Variants in TUBGCP4 observed in about 807,000 individuals in gnomAD.
The protein encoded by TUBGCP4 is tubulin gamma complex component 4, also known as gamma-tubulin complex component 4.
In TUBGCP4, 54 loss-of-function variants were observed where a neutral mutation model predicts 91.6. The ratio of observed to expected loss-of-function variants is 0.59; its 90% confidence interval spans 0.47 to 0.74. TUBGCP4 has a LOEUF of 0.74. Among genes scored for constraint, TUBGCP4 ranks in the 30% least tolerant of loss-of-function variants. The pLI, the probability that TUBGCP4 is intolerant of heterozygous loss-of-function variation, is 0.00. For synonymous variants in TUBGCP4, 297 were observed against 302.8 expected, an observed-to-expected ratio of 0.98 and a Z score of 0.20; for missense variants, 593 against 800.9, an observed-to-expected ratio of 0.74 and a Z score of 3.13.
rs2142913690 is a variant in TUBGCP4, at chr15:43,406,094, A to C, written c.*880A>C. The C allele has an allele frequency of 6.6e-6, 1 of 152,220 alleles. No homozygotes were observed. Among genetic ancestry groups the C allele is most frequent in the South Asian group, 2.1e-4 (1 of 4,820 alleles). 9.4% of individuals were successfully genotyped at this position (152,220 alleles called of 1,614,324 possible). ...TTATTCTCCAAGAAAAAGGTCCTTA[A>C]GAAAAAATTGAGATCAAGTTGTTAG... is the stretch of plus-strand genomic sequence containing the variant. On this transcript the variant is annotated 3_prime_UTR_variant, in exon 18 of 18. Coordinates refer to ENST00000564079, the MANE Select transcript of TUBGCP4 (RefSeq NM_014444.5).
intron 1 of TUBGCP4, among the ~76,000 whole-genome samples, chr15:43,373,885 C>T (rs1199688357): frequency 6.6e-6 from 1 of 152,098 alleles, no homozygotes; most frequent in Non-Finnish European, 1.5e-5. Flanking sequence ...ATCTCCTGAC[C>T]TCGTGATCCG....
In TUBGCP4 at chr15:43,407,739, G is replaced by C. The variant is rs2044959170; in HGVS notation, c.*2525G>C. 3.8e-6 allele frequency: 3 copies of C among 781,840 alleles called. No individual in the cohort carries two copies. The highest frequency in any genetic ancestry group is 6.0e-6 in the Non-Finnish European group (3 of 498,058). The allele number at this position is 781,840 out of a possible 1,614,324, so 48.4% of individuals were successfully genotyped here. On this transcript the variant is annotated 3_prime_UTR_variant, in exon 18 of 18. Coordinates refer to ENST00000564079, the MANE Select transcript of TUBGCP4 (RefSeq NM_014444.5). ...CCAAAGGCAGAGTTATAATCACTATGTGCTGACCTTGTAGAAATATTTAAC... is the reference window on the plus strand; with the variant it reads ...CCAAAGGCAGAGTTATAATCACTATCTGCTGACCTTGTAGAAATATTTAAC...
In TUBGCP4 at chr15:43,407,359, T is replaced by C. The variant is rs775038399; in HGVS notation, c.*2145T>C. On this transcript the variant is annotated 3_prime_UTR_variant, in exon 18 of 18. Transcript: ENST00000564079. ...ACACAATCTCCACGATAGCAGGGAA[T>C]AAAACCAGTAAGACCAAGTATCTTT... is the stretch of plus-strand genomic sequence containing the variant. 2.5e-6 allele frequency: 4 copies of C among 1,609,872 alleles called. No homozygotes were observed. Among genetic ancestry groups the C allele is most frequent in the Non-Finnish European group, 2.5e-6 (3 of 1,176,502 alleles).
rs1178536039 is a variant in TUBGCP4 at position 43,376,873 on chromosome 15, A to G, written c.331-141A>G. The G allele has an allele frequency of 1.7e-5, 15 of 886,334 alleles. No individual in the cohort carries two copies. In the East Asian group the frequency reaches 3.9e-4, roughly 23 times the overall value. 54.9% of individuals were successfully genotyped at this position (886,334 alleles called of 1,614,324 possible). On this transcript the variant is annotated intron_variant, in intron 3 of 17. Coordinates refer to ENST00000564079, the MANE Select transcript of TUBGCP4 (RefSeq NM_014444.5). The stretch of plus-strand genomic sequence containing the variant: ...TCTTTATGGCCCGAAAATCAGGATT[A>G]ATAACCTGATTAAATTATCAGTTCT...
At chr15:43,404,278 G>A in intron 16 of TUBGCP4, 135 bp from the exon 17 acceptor site, 1 of 985,474 alleles carries the variant, frequency 1.0e-6, no homozygotes, top group Non-Finnish European at 1.5e-6. Context: ...ATAGAAATAG[G>A]AATGTGGGAA....
At chr15:43,385,543 C>T in intron 7 of TUBGCP4, 1 of 527,404 alleles carries the variant, frequency 1.9e-6, no homozygotes, top group South Asian at 1.9e-5. Flanking sequence ...AGTTTTTACT[C>T]AGTAGTAAAG....
At chr15:43,394,969 A>C in intron 9 of TUBGCP4, 138 bp from the exon 10 acceptor site, 1 of 845,330 alleles carries the variant, frequency 1.2e-6, no homozygotes, top group East Asian at 2.4e-5. Context: ...TAATACATTG[A>C]TTGTTTTGAG....
intron 13 of TUBGCP4, 198 bp downstream of exon 13, chr15:43,398,377 T>G: frequency 2.8e-6 from 1 of 353,958 alleles, no homozygotes; most frequent in Non-Finnish European, 4.6e-6. Flanking sequence ...AAGACCCCCA[T>G]CTCATAAAAA....
chr15:43,395,318 A>G (rs2044562942), intron 10 of TUBGCP4, 161 bp downstream of exon 10: 1 of 776,044 alleles, frequency 1.3e-6, no homozygotes, highest in East Asian at 2.5e-5. Context: ...CCACAAATCT[A>G]CGATAATACA....
At chr15:43,398,292 A>G in intron 13 of TUBGCP4, 113 bp downstream of exon 13, 1 of 1,250,092 alleles carries the variant, frequency 8.0e-7, no homozygotes, top group South Asian at 1.5e-5. Context: ...CACACCTGTA[A>G]TCCCAGCTAG....
chr15:43,386,377 ATT>A (rs748820688), intron 9 of TUBGCP4, 47 bp downstream of exon 9: 55 of 19,100 alleles, frequency 2.9e-3, no homozygotes, highest in East Asian at 7.9e-3. Flanking sequence ...ATATATATAT[ATT>A]TTTTTTTTTT....
At chr15:43,386,377 A>ATATATATATATATATGAATTT (rs1555394852) in intron 9 of TUBGCP4, 47 bp downstream of exon 9, 1 of 19,092 alleles carries the variant, frequency 5.2e-5, no homozygotes, top group Non-Finnish European at 8.0e-5. Context: ...ATATATATAT[A>ATATATATATATATATGAATTT]TTTTTTTTTT....
chr15:43,374,985 C>T (rs193295138), intron 1 of TUBGCP4, among the ~76,000 whole-genome samples: 76 of 152,330 alleles, frequency 5.0e-4, no homozygotes, highest in African/African-American at 1.6e-3. Context: ...TCGCTGCAAC[C>T]GCCGCCTCCC....
At chr15:43,371,460 C>T in intron 1 of TUBGCP4, 28 bp downstream of exon 1, 1 of 1,611,716 alleles carries the variant, frequency 6.2e-7, no homozygotes, top group Non-Finnish European at 8.5e-7. Flanking sequence ...GCGCGGGAAC[C>T]AGGGAGCGCA....
chr15:43,391,876 C>A (rs1241925954), intron 9 of TUBGCP4: 1 of 152,130 alleles, frequency 6.6e-6, no homozygotes, highest in Non-Finnish European at 1.5e-5. Context: ...CATGGCGAAA[C>A]CCTGTCTCTA....
chr15:43,391,117 C>G (rs1037291174), intron 9 of TUBGCP4, among the ~76,000 whole-genome samples: 1 of 151,854 alleles, frequency 6.6e-6, no homozygotes, highest in Non-Finnish European at 1.5e-5. Flanking sequence ...CCTCCAATTC[C>G]TGGGCTCAAG....
intron 7 of TUBGCP4, among the ~76,000 whole-genome samples, chr15:43,385,178 A>C (rs979011609): frequency 3.3e-5 from 5 of 152,212 alleles, no homozygotes; most frequent in African/African-American, 1.2e-4. Flanking sequence ...AGAGCACTCC[A>C]GCTTACTTTA....
At chr15:43,391,995 C>T (rs984797704) in intron 9 of TUBGCP4, among the ~76,000 whole-genome samples, 1 of 151,564 alleles carries the variant, frequency 6.6e-6, no homozygotes, top group African/African-American at 2.4e-5. Context: ...GCAGAGGTTG[C>T]AGCAAGCTGA....
In TUBGCP4 at chr15:43,398,382, T is replaced by TAA. The variant is rs3038777; in HGVS notation, c.1418+219_1418+220dup. ...GCAACATAGTAAGACCCCCATCTCATAAAAAAAAAAAAAAAAATTAATGGG... is the reference window on the plus strand; with the variant it reads ...GCAACATAGTAAGACCCCCATCTCATAAAAAAAAAAAAAAAAAAATTAATGGG... On this transcript the variant is annotated intron_variant, in intron 13 of 17. Coordinates refer to ENST00000564079, the MANE Select transcript of TUBGCP4 (RefSeq NM_014444.5). 6.2e-3 allele frequency: 1,708 copies of TAA among 276,820 alleles called. 19 individuals carry two copies. The highest frequency in any genetic ancestry group is 0.029 in the African/African-American group (1,272 of 43,764). The allele number at this position is 276,820 out of a possible 1,614,324, so 17.1% of individuals were successfully genotyped here.
Sources: allele counts gnomAD v4.1 joint callset (sites outside exome capture counted in the v4.1 genomes callset), GRCh38; gene constraint gnomAD v4.1.1; transcripts MANE v1.5; gene names NCBI Gene and HGNC (gene_info 2026-07-23, HGNC 2026-07-21).